Variants in SLC24A3 observed in about 807,000 individuals in gnomAD.
SLC24A3 encodes the protein solute carrier family 24 member 3.
In SLC24A3, 28 loss-of-function variants were observed where a neutral mutation model predicts 75.8. The ratio of observed to expected loss-of-function variants is 0.37; its 90% CI spans 0.27 to 0.51. The LOEUF (loss-of-function observed/expected upper bound fraction) is 0.51. Ranked by LOEUF, SLC24A3 falls within the 20% of genes least tolerant of loss-of-function variation. The pLI, the probability that SLC24A3 is intolerant of heterozygous loss-of-function variation, is 0.94. For missense variants in SLC24A3, 663 were observed against 847.8 expected (o/e 0.78, Z 2.71); for synonymous variants, 372 against 334.1 (o/e 1.11, Z -1.24).
At chr20:19,695,847 GA>G (rs1451378656) in intron 13 of SLC24A3, among the ~76,000 whole-genome samples, 1 of 152,116 alleles carries the variant, frequency 6.6e-6, no homozygotes, top group Non-Finnish European at 1.5e-5. Flanking sequence ...TTATGAGTGA[GA>G]ACATGTGGAG....
At chr20:19,596,556 G>A (rs1055730021) in intron 6 of SLC24A3, among the ~76,000 whole-genome samples, 1 of 152,262 alleles carries the variant, frequency 6.6e-6, no homozygotes, top group East Asian at 1.9e-4. Context: ...CTGAGTAAAT[G>A]GTGAGATTTT....
intron 1 of SLC24A3, among the ~76,000 whole-genome samples, chr20:19,254,372 A>G (rs1982749500): frequency 6.6e-6 from 1 of 152,086 alleles, no homozygotes; most frequent in Non-Finnish European, 1.5e-5. Context: ...CACGCTCACT[A>G]CATTGCTTGC....
intron 2 of SLC24A3, among the ~76,000 whole-genome samples, chr20:19,506,431 C>A (rs1988463265): frequency 6.6e-6 from 1 of 151,896 alleles, no homozygotes; most frequent in South Asian, 2.1e-4. Flanking sequence ...GGACTTATGC[C>A]CTTAAAAAAA....
intron 1 of SLC24A3, 128 bp downstream of exon 1, chr20:19,213,112 G>A: frequency 9.4e-7 from 1 of 1,066,386 alleles, no homozygotes. Flanking sequence ...GGTTGGCGGG[G>A]GGAGTGGGAT....
intron 9 of SLC24A3, among the ~76,000 whole-genome samples, chr20:19,679,212 C>G (rs1458567771): frequency 6.6e-6 from 1 of 152,222 alleles, no homozygotes; most frequent in Non-Finnish European, 1.5e-5. Flanking sequence ...GCCTGGGCAC[C>G]ATTGAGCACT....
At chr20:19,452,764 C>CA (rs143878681) in intron 2 of SLC24A3, among the ~76,000 whole-genome samples, 5,296 of 152,106 alleles carry the variant, frequency 0.035, 272 homozygotes, top group African/African-American at 0.11. Flanking sequence ...GCTGTAATCT[C>CA]AGCACTTTGG....
At chr20:19,468,367 G>T (rs60811791) in intron 2 of SLC24A3, among the ~76,000 whole-genome samples, 6,745 of 152,064 alleles carry the variant, frequency 0.044, 462 homozygotes, top group African/African-American at 0.15. Context: ...CTCTCAAAAA[G>T]CCAAGGGGGT....
chr20:19,517,566 C>T (rs2030020335), intron 3 of SLC24A3, among the ~76,000 whole-genome samples: 1 of 152,234 alleles, frequency 6.6e-6, no homozygotes, highest in Non-Finnish European at 1.5e-5. Flanking sequence ...CATGAGTCTA[C>T]ATGTTAGCAC....
intron 2 of SLC24A3, among the ~76,000 whole-genome samples, chr20:19,353,212 T>C (rs1985609763): frequency 2.0e-5 from 3 of 152,192 alleles, no homozygotes; most frequent in Admixed American, 6.5e-5. Context: ...CATTAAGTGA[T>C]GCATGACTGT....
chr20:19,645,937 C>T (rs1255505961), intron 6 of SLC24A3, among the ~76,000 whole-genome samples: 1 of 152,114 alleles, frequency 6.6e-6, no homozygotes, highest in Non-Finnish European at 1.5e-5. Context: ...TGCCTATAAT[C>T]TCAGCTACCT....
intron 6 of SLC24A3, among the ~76,000 whole-genome samples, chr20:19,596,847 C>T (rs1180151051): frequency 6.6e-6 from 1 of 152,224 alleles, no homozygotes; most frequent in African/African-American, 2.4e-5. Context: ...GTGAAATACA[C>T]AGCATTTGCT....
In SLC24A3 at chr20:19,717,298, G is replaced by T. The variant is rs144012604; in HGVS notation, c.1720-230G>T. Among the ~76,000 whole-genome samples the T allele has an allele frequency of 4.7e-4, 71 of 152,332 alleles. 1 individual carries two copies. Among genetic ancestry groups the T allele is most frequent in the African/African-American group, 1.7e-3 (70 of 41,588 alleles). ...GGGCCTGCTATTGAGGGTAAGGCCA[G>T]GATGGGACTGAGAGTGGACAAGACA... is the stretch of plus-strand genomic sequence containing the variant. On this transcript the variant is annotated intron_variant, in intron 15 of 16. Coordinates refer to ENST00000328041, the MANE Select transcript of SLC24A3 (RefSeq NM_020689.4).
intron 7 of SLC24A3, among the ~76,000 whole-genome samples, chr20:19,655,296 A>G (rs890632560): frequency 3.9e-5 from 6 of 152,134 alleles, no homozygotes; most frequent in Non-Finnish European, 8.8e-5. Context: ...TCCATAAAGA[A>G]CACCTGCAAA....
intron 6 of SLC24A3, among the ~76,000 whole-genome samples, chr20:19,599,221 C>T (rs1364414184): frequency 6.6e-6 from 1 of 152,194 alleles, no homozygotes; most frequent in African/African-American, 2.4e-5. Flanking sequence ...TGTTCTTGAT[C>T]TCTGTGGGGC....
chr20:19,711,356 A>ATG (rs2032989893), intron 15 of SLC24A3, among the ~76,000 whole-genome samples: 1 of 151,864 alleles, frequency 6.6e-6, no homozygotes. Flanking sequence ...TACCACACAC[A>ATG]TGCATGCACA....
chr20:19,555,803 C>T (rs1465640870), intron 3 of SLC24A3, among the ~76,000 whole-genome samples: 1 of 152,248 alleles, frequency 6.6e-6, no homozygotes, highest in African/African-American at 2.4e-5. Flanking sequence ...AAATACACCA[C>T]ACCAAGGGTT....
intron 2 of SLC24A3, among the ~76,000 whole-genome samples, chr20:19,483,247 C>G (rs988913603): frequency 6.6e-6 from 1 of 152,186 alleles, no homozygotes; most frequent in Non-Finnish European, 1.5e-5. Flanking sequence ...CACCCTATCC[C>G]TGGGGAAGTT....
intron 1 of SLC24A3, among the ~76,000 whole-genome samples, chr20:19,219,981 A>T (rs1209302059): frequency 1.3e-5 from 2 of 152,198 alleles, no homozygotes; most frequent in Non-Finnish European, 2.9e-5. Context: ...TGCAATTGAC[A>T]TGTAGAAAGG....
rs1441093503 is a variant in SLC24A3, at chr20:19,425,693, C to G, written c.272-89795C>G. 3.9e-5 allele frequency among the ~76,000 whole-genome samples: 6 copies of G among 152,190 alleles called. 1 individual carries two copies. Among genetic ancestry groups the G allele is most frequent in the Admixed American group, 3.9e-4 (6 of 15,276 alleles). The stretch of plus-strand genomic sequence containing the variant: ...AGATTTTACAGTTCTATCTTCCATT[C>G]TCCATTTGTAGCTTGACATGCTTCT... On this transcript the variant is annotated intron_variant, in intron 2 of 16. Transcript: ENST00000328041.
Sources: gnomAD v4.1 joint callset for allele counts (sites outside exome capture counted in the v4.1 genomes callset) on GRCh38, gnomAD v4.1.1 for gene constraint, MANE v1.5 for transcripts, NCBI Gene and HGNC (gene_info 2026-07-23, HGNC 2026-07-21) for gene names.